Variants in PCDHA1 observed in about 807,000 individuals in gnomAD.
PCDHA1 encodes protocadherin alpha-1.
A neutral mutation model predicts 61.3 loss-of-function variants in PCDHA1; 42 were observed. The ratio of observed to expected loss-of-function variants is 0.69; its 90% CI spans 0.54 to 0.89. The LOEUF (loss-of-function observed/expected upper bound fraction) is 0.89, where lower values mean the gene tolerates loss of function less well. Among genes scored for constraint, PCDHA1 ranks in the 40% least tolerant of loss-of-function variants. PCDHA1 has a pLI of 0.00. For missense variants in PCDHA1, 1,256 were observed against 1,235.3 expected (o/e 1.02, Z -0.25); for synonymous variants, 610 against 553.8 (o/e 1.10, Z -1.43).
At chr5:140,842,965 C>G in intron 1 of PCDHA1, 2 of 1,594,984 alleles carry the variant, frequency 1.3e-6, no homozygotes, top group Non-Finnish European at 1.7e-6. Flanking sequence ...TGGGCAGCAA[C>G]GTGACGCTGC....
chr5:140,979,408 G>GTT (rs558051720), intron 2 of PCDHA1, among the ~76,000 whole-genome samples: 2 of 147,646 alleles, frequency 1.4e-5, no homozygotes, highest in African/African-American at 2.5e-5. Context: ...TGTCTACCTT[G>GTT]TTTTTTTTTT....
At chr5:140,994,561 C>T (rs967006511) in intron 3 of PCDHA1, among the ~76,000 whole-genome samples, 2 of 151,800 alleles carry the variant, frequency 1.3e-5, no homozygotes, top group East Asian at 1.9e-4. Context: ...AAAAATTAGC[C>T]GGGTGTGGTG....
At chr5:140,871,134 C>G in intron 1 of PCDHA1, 9 of 1,613,414 alleles carry the variant, frequency 5.6e-6, no homozygotes, top group Non-Finnish European at 6.8e-6. Flanking sequence ...CGCCAAAGGC[C>G]TCTTCCCGGA....
chr5:140,946,631 T>TATATATATATAC (rs57893927), intron 1 of PCDHA1, among the ~76,000 whole-genome samples: 3,699 of 131,684 alleles, frequency 0.028, 186 homozygotes, highest in East Asian at 0.064. Flanking sequence ...TATATATATA[T>TATATATATATAC]ACAATGGAAT....
intron 1 of PCDHA1, among the ~76,000 whole-genome samples, chr5:140,902,203 C>CTTTT (rs148688132): frequency 2.0e-4 from 25 of 124,426 alleles, no homozygotes; most frequent in African/African-American, 2.5e-4. Flanking sequence ...CTCTCTCTTT[C>CTTTT]TTTTTTTTTT....
At chr5:140,919,359 G>T (rs188480486) in intron 1 of PCDHA1, among the ~76,000 whole-genome samples, 3 of 152,146 alleles carry the variant, frequency 2.0e-5, no homozygotes, top group African/African-American at 7.2e-5. Context: ...ATCTAAAAGT[G>T]TCTCCTGCAG....
At chr5:140,794,251 C>G (rs1391023124) in intron 1 of PCDHA1, among the ~76,000 whole-genome samples, 1 of 152,186 alleles carries the variant, frequency 6.6e-6, no homozygotes, top group African/African-American at 2.4e-5. Context: ...TCCACGGATG[C>G]TTGAATGAAT....
At chr5:140,962,295 A>G (rs1215334325) in intron 1 of PCDHA1, among the ~76,000 whole-genome samples, 2 of 152,196 alleles carry the variant, frequency 1.3e-5, no homozygotes, top group African/African-American at 4.8e-5. Flanking sequence ...TTAATATTCT[A>G]TGATTCTTGT....
At chr5:140,829,901 A>G (rs2150177337) in intron 1 of PCDHA1, 11 of 1,613,874 alleles carry the variant, frequency 6.8e-6, no homozygotes, top group Non-Finnish European at 8.5e-6. Flanking sequence ...CTCAGGCTAC[A>G]ACGCGTGGCT....
chr5:140,919,926 TG>T (rs1366281727), intron 1 of PCDHA1, among the ~76,000 whole-genome samples: 3 of 152,088 alleles, frequency 2.0e-5, no homozygotes, highest in African/African-American at 7.2e-5. Flanking sequence ...AATTTTCAGG[TG>T]GGGGCTAATT....
At chr5:140,944,846 G>A (rs269554) in intron 1 of PCDHA1, among the ~76,000 whole-genome samples, 33,882 of 151,952 alleles carry the variant, frequency 0.22, 4,860 homozygotes, top group African/African-American at 0.41. Context: ...TGAGATATTA[G>A]AATCATCCTT....
At chr5:140,910,197 T>C (rs1318749477) in intron 1 of PCDHA1, among the ~76,000 whole-genome samples, 1 of 152,202 alleles carries the variant, frequency 6.6e-6, no homozygotes, top group African/African-American at 2.4e-5. Context: ...TAGTCTTTTG[T>C]CCACTTGACC....
At chr5:140,870,295 T>G (rs1037957284) in intron 1 of PCDHA1, 1 of 1,614,054 alleles carries the variant, frequency 6.2e-7, no homozygotes, top group Non-Finnish European at 8.5e-7. Context: ...CAAGCTGGTG[T>G]CCACCTTCAA....
intron 1 of PCDHA1, among the ~76,000 whole-genome samples, chr5:140,895,223 G>A (rs782692616): frequency 4.0e-4 from 61 of 152,232 alleles, no homozygotes; most frequent in Admixed American, 2.6e-4. Flanking sequence ...ATATTTTACT[G>A]AGTTTTCTCA....
At chr5:140,978,648 T>C (rs2096814311) in intron 1 of PCDHA1, among the ~76,000 whole-genome samples, 1 of 152,264 alleles carries the variant, frequency 6.6e-6, no homozygotes, top group African/African-American at 2.4e-5. Flanking sequence ...CAGACTGTTC[T>C]TCCCGTAGTG....
rs782564165 is a variant in PCDHA1, at chr5:141,010,450, G to A, written c.*513G>A. ...AAGAAAACAAAGACAAATAAACAGC[G>A]GAAGTTATCAGTATGGAGGGGAAGT... On this transcript the variant is annotated 3_prime_UTR_variant, in exon 4 of 4. Transcript: ENST00000504120. The A allele has an allele frequency of 6.5e-6, 6 of 920,764 alleles. No individual in the cohort carries two copies. The East Asian group carries it at 8.2e-5, about 13-fold the overall frequency. 57.0% of individuals were successfully genotyped at this position (920,764 alleles called of 1,614,324 possible).
chr5:141,009,597 G>A (rs1284925593), intron 3 of PCDHA1, 30 bp from the exon 4 acceptor site: 1 of 1,605,790 alleles, frequency 6.2e-7, no homozygotes, highest in Non-Finnish European at 8.5e-7. Flanking sequence ...TGTTGACCCT[G>A]TTAATGATTT....
rs1484311028 is a variant in PCDHA1 at position 140,850,855 on chromosome 5, G to C, written c.2394+62171G>C. 8.1e-6 allele frequency: 13 copies of C among 1,595,270 alleles called. No individual in the cohort carries two copies. In the South Asian group the frequency reaches 1.4e-4, roughly 18 times the overall value. ...TGTGCTGGATCTACAGAGCGAACGG[G>C]AGAACCCTCTGCTTCCTCAGATTCA... On this transcript the variant is annotated intron_variant, in intron 1 of 3. Transcript: ENST00000504120.
chr5:140,863,538 T>C (rs187152479), intron 1 of PCDHA1: 1 of 386,422 alleles, frequency 2.6e-6, no homozygotes, highest in Non-Finnish European at 5.0e-6. Flanking sequence ...ATTTTGGAGA[T>C]GGACTTCAAT....
Sources: gnomAD v4.1 joint callset for allele counts (sites outside exome capture counted in the v4.1 genomes callset) on GRCh38, gnomAD v4.1.1 for gene constraint, MANE v1.5 for transcripts, NCBI Gene and HGNC (gene_info 2026-07-23, HGNC 2026-07-21) for gene names.